The following PLEKHG5 variants were observed in gnomAD, a reference collection of about 807,000 sequenced individuals.
PLEKHG5 encodes the protein pleckstrin homology domain-containing family G member 5.
In PLEKHG5, 52 loss-of-function variants were observed where a neutral mutation model predicts 103.8. That is an observed-to-expected ratio of 0.50 (90% CI 0.40 to 0.63). The LOEUF (loss-of-function observed/expected upper bound fraction) is 0.63. Ranked by LOEUF, PLEKHG5 falls within the 30% of genes least tolerant of loss-of-function variation. The pLI is 0.00. For synonymous variants in PLEKHG5, 592 were observed against 575.5 expected (o/e 1.03, Z -0.41); for missense variants, 1,205 against 1,347.6 (o/e 0.89, Z 1.66).
intron 1 of PLEKHG5, among the ~76,000 whole-genome samples, chr1:6,516,729 ATG>A (rs987192346): frequency 2.0e-5 from 3 of 147,246 alleles, no homozygotes; most frequent in African/African-American, 7.4e-5. Flanking sequence ...ATATATATAT[ATG>A]TGTGTATATA....
upstream of PLEKHG5, among the ~76,000 whole-genome samples, chr1:6,494,409 G>C (rs1645193625): frequency 6.6e-6 from 1 of 152,010 alleles, no homozygotes; most frequent in Admixed American, 6.6e-5. Context: ...GGGGTTACAG[G>C]TGTGAGCCAC....
chr1:6,474,028 C>T lies in PLEKHG5; in HGVS notation c.576G>A (p.Glu192=). ...TCCTCCTCACCAAGATGTCCAGGCT[C>T]TCCCGGCGGCTCTGGGCGTCCACAC... The part of the protein sequence containing the change: ...LERVDAQSRR[E]SLDILAPGRR... Residue 192 remains glutamate, a synonymous_variant, in exon 7 of 21, where the codon GAG becomes GAA. Transcript: ENST00000377728. The T allele has an allele frequency of 1.3e-6, 2 of 1,599,984 alleles. No homozygotes were observed. Among genetic ancestry groups the T allele is most frequent in the Non-Finnish European group, 1.7e-6 (2 of 1,173,564 alleles).
chr1:6,502,563 C>T (rs957787703), intron 1 of PLEKHG5, among the ~76,000 whole-genome samples: 6 of 152,390 alleles, frequency 3.9e-5, no homozygotes, highest in East Asian at 3.9e-4. Flanking sequence ...CCACTTCCTC[C>T]GGCTGAGGCT....
At chr1:6,519,446 G>T in exon 1 of PLEKHG5, 1 of 1,610,166 alleles carries the variant, frequency 6.2e-7, no homozygotes, top group East Asian at 2.2e-5. Context: ...CATACTCACC[G>T]GTTCCTGAAC....
rs1645122927 is a variant in PLEKHG5, at chr1:6,490,221, C to G, written c.-88+1416G>C. 6.6e-6 allele frequency among the ~76,000 whole-genome samples: 1 copy of G among 152,186 alleles called. No homozygotes were observed. Among genetic ancestry groups the G allele is most frequent in the African/African-American group, 2.4e-5 (1 of 41,444 alleles). On this transcript the variant is annotated intron_variant, in intron 1 of 20. Coordinates refer to ENST00000377728, the MANE Select transcript of PLEKHG5 (RefSeq NM_020631.6). The surrounding 1 kb of genome is among the most constrained non-coding windows in gnomAD (Gnocchi z 8.0). ...TCCCATAGACTCCTCACGGCCCTAT[C>G]TCCGAGCCGACCCACCCTAGAGACA...
At chr1:6,511,717 G>A (rs1384536402) in intron 1 of PLEKHG5, among the ~76,000 whole-genome samples, 2 of 152,232 alleles carry the variant, frequency 1.3e-5, no homozygotes, top group Non-Finnish European at 2.9e-5. Context: ...GCCATGCAGT[G>A]GCTTCACCTC....
At chr1:6,511,463 C>CT (rs1638468657) in intron 1 of PLEKHG5, among the ~76,000 whole-genome samples, 1 of 152,240 alleles carries the variant, frequency 6.6e-6, no homozygotes, top group Admixed American at 6.5e-5. Flanking sequence ...AAGGACCCCG[C>CT]TTGGAGCCTG....
chr1:6,471,356 C>T (rs1411570810), intron 12 of PLEKHG5, 132 bp downstream of exon 12: 8 of 1,095,436 alleles, frequency 7.3e-6, no homozygotes, highest in Admixed American at 2.4e-5. Context: ...CACCCTTGGC[C>T]ACAAGGGGTC....
Position 6,491,634 on chromosome 1 carries a change from C to G in PLEKHG5, c.-88+3G>C. 1 of 984,878 alleles carries G rather than the reference C, an allele frequency of 1.0e-6. No homozygotes were observed. The highest frequency in any genetic ancestry group is 1.2e-6 in the Non-Finnish European group (1 of 829,438). The allele number at this position is 984,878 out of a possible 1,614,324, so 61.0% of individuals were successfully genotyped here. On this transcript the variant is annotated splice_donor_region_variant and intron_variant, in intron 1 of 20. Coordinates refer to ENST00000377728, the MANE Select transcript of PLEKHG5 (RefSeq NM_020631.6). The surrounding 1 kb of genome is among the most constrained non-coding windows in gnomAD (Gnocchi z 4.1). ...ATAGGTGATTGCCTCTCCCATTACT[C>G]ACATCCTGCCCGTCCCTTCTCCATG...
At position 6,476,052 on chromosome 1, in the gene PLEKHG5, GA is replaced by G. The variant is rs1644758408; in HGVS notation, c.44-17del. On this transcript the variant is annotated splice_polypyrimidine_tract_variant and intron_variant, in intron 2 of 20. Coordinates refer to ENST00000377728, the MANE Select transcript of PLEKHG5 (RefSeq NM_020631.6). ...AGCACAGAGCCTTGGGAGAAAGCAG[GA>G]GAGGGTTGTGCCTCCCCCGCCCCTC... 2.5e-6 allele frequency: 4 copies of G among 1,609,718 alleles called. No homozygotes were observed. The highest frequency in any genetic ancestry group is 3.4e-6 in the Non-Finnish European group (4 of 1,178,002).
intron 1 of PLEKHG5, among the ~76,000 whole-genome samples, chr1:6,509,241 G>A (rs555998809): frequency 3.3e-5 from 5 of 152,230 alleles, no homozygotes; most frequent in African/African-American, 1.2e-4. Flanking sequence ...TTTGCCTCTC[G>A]TCCCACCTCT....
At chr1:6,508,103 C>T (rs1035047620) in intron 1 of PLEKHG5, among the ~76,000 whole-genome samples, 6 of 152,172 alleles carry the variant, frequency 3.9e-5, no homozygotes, top group Admixed American at 6.5e-5. Context: ...AGAACATCCC[C>T]GCCTGGGTGC....
intron 1 of PLEKHG5, among the ~76,000 whole-genome samples, chr1:6,512,362 G>A (rs1263539757): frequency 1.1e-4 from 17 of 152,330 alleles, no homozygotes; most frequent in Admixed American, 1.0e-3. Context: ...AGCCCCAGAT[G>A]TGCCCCCTGA....
intron 2 of PLEKHG5, 81 bp downstream of exon 2, chr1:6,477,448 G>T (rs1455292777): frequency 2.2e-6 from 3 of 1,388,754 alleles, no homozygotes; most frequent in Non-Finnish European, 3.0e-6. Flanking sequence ...TCCTTATGAC[G>T]CCCTAGCACG....
Position 6,469,048 on chromosome 1 carries a change from TGA to T in PLEKHG5, c.2241_2242del (p.Gln748AlafsTer37). The T allele has an allele frequency of 6.2e-7, 1 of 1,613,408 alleles. No homozygotes were observed. ...TGGTCATGAGCAGACGTACCAGTGC[TGA>T]GAGTCGGGGCTGCCGCTGCTTTTCC... On this transcript the variant is annotated frameshift_variant, in exon 19 of 21. Transcript: ENST00000377728. LOFTEE classifies it high-confidence loss of function.
At chr1:6,493,991 G>A (rs1357515912), upstream of PLEKHG5, among the ~76,000 whole-genome samples, 1 of 151,746 alleles carries the variant, frequency 6.6e-6, no homozygotes, top group African/African-American at 2.4e-5. Context: ...TTGCTCTGTT[G>A]CCCAGGCTGC....
upstream of PLEKHG5, among the ~76,000 whole-genome samples, chr1:6,498,701 C>T (rs1015293379): frequency 6.6e-6 from 1 of 152,060 alleles, no homozygotes; most frequent in Non-Finnish European, 1.5e-5. Flanking sequence ...AGCAGCTGCC[C>T]GGGGCCCTGG....
In PLEKHG5 at chr1:6,471,090, A is replaced by C. The variant is rs746661057; in HGVS notation, c.1292T>G (p.Leu431Arg). 3 of 1,584,132 alleles carry C rather than the reference A, an allele frequency of 1.9e-6. No homozygotes were observed. The highest frequency in any genetic ancestry group is 2.6e-6 in the Non-Finnish European group (3 of 1,166,434). Residue 431 changes from leucine to arginine, a missense_variant, in exon 13 of 21, where the codon CTC becomes CGC. Physicochemically the swap from Leu to Arg is moderately radical, Grantham distance 102 (BLOSUM62 -2). Transcript: ENST00000377728. Reference protein sequence around the residue: ...FLKGFKMFGSLFKPYIRYCME... With the variant: ...FLKGFKMFGSRFKPYIRYCME... ...GCAGTAGCGGATGTAGGGCTTGAAG[A>C]GCGAGCCGAACTGGCCCGGGGCAGA...
intron 1 of PLEKHG5, chr1:6,485,358 CA>C: frequency 7.0e-7 from 1 of 1,424,040 alleles, no homozygotes; most frequent in Admixed American, 3.0e-5. Flanking sequence ...ACCCCCGGCC[CA>C]GGAGGGCTCC....
Sources: gnomAD v4.1 joint callset for allele counts (sites outside exome capture counted in the v4.1 genomes callset) on GRCh38, gnomAD v4.1.1 for gene constraint, Gnocchi (gnomAD v3.1) non-coding constraint, MANE v1.5 for transcripts, NCBI Gene and HGNC (gene_info 2026-07-23, HGNC 2026-07-21) for gene names.